SLC22A8: variants seen among roughly 807,000 people sequenced by gnomAD.
SLC22A8 encodes solute carrier family 22 member 8.
In SLC22A8, 40 loss-of-function variants were observed where a neutral mutation model predicts 48.4. The ratio of observed to expected loss-of-function variants is 0.83; its 90% CI spans 0.64 to 1.08. The LOEUF (loss-of-function observed/expected upper bound fraction) is 1.08, where lower values mean the gene tolerates loss of function less well. Ranked by LOEUF, SLC22A8 falls within the 50% of genes least tolerant of loss-of-function variation. SLC22A8 has a pLI of 0.00. For synonymous variants in SLC22A8, 268 were observed against 286.3 expected (o/e 0.94, Z 0.65); for missense variants, 606 against 699.0 (o/e 0.87, Z 1.50).
In SLC22A8 at chr11:62,999,859, A is replaced by G; in HGVS notation, c.438-17T>C. ...CGGCCAAACCTGTAGCTCGAAGGAG[A>G]GGAGGGGCCAGGTTAGCCACAGTGT... On this transcript the variant is annotated splice_polypyrimidine_tract_variant and intron_variant, in intron 3 of 10. Transcript: ENST00000336232. 1 of 1,481,726 alleles carries G rather than the reference A, an allele frequency of 6.7e-7. No individual in the cohort carries two copies. Among genetic ancestry groups the G allele is most frequent in the Non-Finnish European group, 9.0e-7 (1 of 1,109,454 alleles). 91.8% of individuals were successfully genotyped at this position (1,481,726 alleles called of 1,614,324 possible). A position where few individuals can be genotyped will look rare whatever the true frequency, so the allele number is the denominator to read the frequency against.
chr11:62,995,999 T>C, intron 6 of SLC22A8, 30 bp downstream of exon 6: 1 of 1,614,060 alleles, frequency 6.2e-7, no homozygotes, highest in East Asian at 2.2e-5. Flanking sequence ...ACAGGGGTTC[T>C]GCTCCCAGAC....
At chr11:63,012,911 G>A (rs958983916) in intron 2 of SLC22A8, among the ~76,000 whole-genome samples, 1 of 152,154 alleles carries the variant, frequency 6.6e-6, no homozygotes, top group Non-Finnish European at 1.5e-5. Context: ...GTGCTGGGGG[G>A]AGAAAGTAGC....
chr11:62,999,708 G>T lies in SLC22A8; in HGVS notation c.572C>A (p.Thr191Asn). 1 of 1,595,980 alleles carries T rather than the reference G, an allele frequency of 6.3e-7. No homozygotes were observed. Among genetic ancestry groups the T allele is most frequent in the Middle Eastern group, 1.7e-4 (1 of 5,996 alleles). ...FLCGFGISGI[T>N]LSTVILNVEW... ...CTCACTCAAGATGACGGTGCTCAGG[G>T]TAATGCCTGAGATGCCAAAGCCACA... The change falls in exon 4 of 11, where the codon ACC becomes AAC. Residue 191 changes from threonine (T) to asparagine (N), a missense_variant. By Grantham distance (65) the Thr-to-Asn change is moderately conservative. Coordinates refer to ENST00000336232, the MANE Select transcript of SLC22A8 (RefSeq NM_004254.4).
chr11:63,012,953 A>G (rs2086635775), intron 2 of SLC22A8, among the ~76,000 whole-genome samples: 1 of 152,158 alleles, frequency 6.6e-6, no homozygotes, highest in Admixed American at 6.5e-5. Context: ...TAATCTAGGT[A>G]TATGAGAGCA....
At chr11:62,995,126 G>T (rs2086399788) in intron 7 of SLC22A8, 2 of 339,234 alleles carry the variant, frequency 5.9e-6, no homozygotes, top group Non-Finnish European at 1.1e-5. Flanking sequence ...TGAGCTGTAT[G>T]CCTGGGTCAG....
chr11:63,002,749 G>T (rs1307335362), intron 2 of SLC22A8, among the ~76,000 whole-genome samples: 1 of 152,046 alleles, frequency 6.6e-6, no homozygotes, highest in East Asian at 1.9e-4. Flanking sequence ...TACTGCCTTA[G>T]TGTAGGCCTC....
At chr11:63,005,548 G>A (rs954138131) in intron 2 of SLC22A8, among the ~76,000 whole-genome samples, 2 of 152,198 alleles carry the variant, frequency 1.3e-5, no homozygotes, top group African/African-American at 4.8e-5. Context: ...AAATAGAGTT[G>A]TTGTAGATGT....
intron 5 of SLC22A8, among the ~76,000 whole-genome samples, chr11:62,998,048 T>A (rs576095666): frequency 6.6e-6 from 1 of 152,180 alleles, no homozygotes; most frequent in African/African-American, 2.4e-5. Flanking sequence ...ACCTCTCAGG[T>A]TCAAGTGATT....
Position 62,993,312 on chromosome 11 carries a change from C to T in SLC22A8, c.1554G>A (p.Lys518=). 1 of 1,613,966 alleles carries T rather than the reference C, an allele frequency of 6.2e-7. No homozygotes were observed. The highest frequency in any genetic ancestry group is 2.2e-5 in the East Asian group (1 of 44,874). ...AGGCCTTTTCCACCTCTGGCTCCTG[C>T]TTTGGCTTCTTTGCCCGCAGGGACC... ...ENWSLRAKKP[K]QEPEVEKASQ... is the part of the protein sequence containing the mutation. Residue 518 remains lysine, a synonymous_variant, in exon 11 of 11, where the codon AAG becomes AAA. Transcript: ENST00000336232.
intron 2 of SLC22A8, among the ~76,000 whole-genome samples, chr11:63,002,227 T>A (rs1351681974): frequency 2.6e-5 from 4 of 152,032 alleles, no homozygotes; most frequent in Admixed American, 6.6e-5. Context: ...TATTTTTATT[T>A]AAAAAAAATT....
intron 2 of SLC22A8, among the ~76,000 whole-genome samples, chr11:63,008,847 G>A (rs987797892): frequency 5.3e-5 from 8 of 152,076 alleles, no homozygotes; most frequent in Non-Finnish European, 7.4e-5. Context: ...ATCTGAGCCC[G>A]GTGTATTCCT....
chr11:62,995,582 A>G (rs1264438981), intron 7 of SLC22A8, 122 bp downstream of exon 7: 5 of 711,620 alleles, frequency 7.0e-6, no homozygotes, highest in Non-Finnish European at 1.0e-5. Context: ...GTGGTGGCCC[A>G]GGAGAGGGGA....
intron 2 of SLC22A8, among the ~76,000 whole-genome samples, chr11:63,013,616 T>A (rs2086642967): frequency 6.6e-6 from 1 of 152,218 alleles, no homozygotes; most frequent in Non-Finnish European, 1.5e-5. Context: ...TCCCTGTACT[T>A]CTTATGGGCT....
Position 62,999,855 on chromosome 11 carries a change from G to A in SLC22A8, c.438-13C>T. 6.7e-7 allele frequency: 1 copy of A among 1,492,576 alleles called. No individual in the cohort carries two copies. Among genetic ancestry groups the A allele is most frequent in the Admixed American group, 2.2e-5 (1 of 46,146 alleles). The allele number at this position is 1,492,576 out of a possible 1,614,324, so 92.5% of individuals were successfully genotyped here. ...CCTGCGGCCAAACCTGTAGCTCGAA[G>A]GAGAGGAGGGGCCAGGTTAGCCACA... On this transcript the variant is annotated splice_polypyrimidine_tract_variant and intron_variant, in intron 3 of 10. Coordinates refer to ENST00000336232, the MANE Select transcript of SLC22A8 (RefSeq NM_004254.4).
chr11:62,994,535 C>G lies in SLC22A8; in HGVS notation c.1216+7G>C. On this transcript the variant is annotated splice_region_variant and intron_variant, in intron 8 of 10. Coordinates refer to ENST00000336232, the MANE Select transcript of SLC22A8 (RefSeq NM_004254.4). The stretch of plus-strand genomic sequence containing the variant: ...CAGAGGGTTCTGGGGTAGCCCCAGT[C>G]TCTCACCCAAGGGCACAAAGGTGAG... 6.3e-7 allele frequency: 1 copy of G among 1,592,070 alleles called. No individual in the cohort carries two copies.
intron 3 of SLC22A8, 38 bp from the exon 4 acceptor site, chr11:62,999,880 A>G: frequency 7.0e-7 from 1 of 1,434,460 alleles, no homozygotes; most frequent in Non-Finnish European, 9.2e-7. Flanking sequence ...GGTTAGCCAC[A>G]GTGTGCCTGC....
At position 63,014,933 on chromosome 11, in the gene SLC22A8, C is replaced by T. The variant is rs140192234; in HGVS notation, c.26G>A (p.Arg9His). 1.2e-4 allele frequency: 188 copies of T among 1,564,514 alleles called. No individual in the cohort carries two copies. The highest frequency in any genetic ancestry group is 3.4e-4 in the East Asian group (15 of 44,342). The change falls in exon 2 of 11, where the codon CGT becomes CAT. Residue 9 changes from arginine (R) to histidine (H), a missense_variant. Arg to His is a conservative substitution (Grantham distance 29). Transcript: ENST00000336232. ...CTGGAAATGGCCCATGCTTCCCACA[C>T]GGTCCAGGATCTCCGAGAAGGTCAT... MTFSEILD[R>H]VGSMGHFQFL...
At chr11:63,013,684 C>A (rs1193594877) in intron 2 of SLC22A8, among the ~76,000 whole-genome samples, 1 of 152,172 alleles carries the variant, frequency 6.6e-6, no homozygotes, top group Admixed American at 6.5e-5. Context: ...ACAATCATTT[C>A]CTTTCTCTGG....
chr11:63,007,373 TG>T (rs55668892), intron 2 of SLC22A8, among the ~76,000 whole-genome samples: 23,400 of 152,166 alleles, frequency 0.15, 2,146 homozygotes, highest in East Asian at 0.3. Context: ...TCTCCCAGGC[TG>T]GAGTACAGTG....
Sources: gnomAD v4.1 joint callset for allele counts (sites outside exome capture counted in the v4.1 genomes callset) on GRCh38, gnomAD v4.1.1 for gene constraint, MANE v1.5 for transcripts, NCBI Gene and HGNC (gene_info 2026-07-23, HGNC 2026-07-21) for gene names.